The following MYH11 variants were observed in gnomAD, a reference collection of about 807,000 sequenced individuals.
MYH11 encodes the protein myosin heavy chain 11, also known as myosin-11.
MYH11 carries 80 observed loss-of-function variants against 246.6 expected under a neutral mutation model. That is an observed-to-expected ratio of 0.32 (90% CI 0.27 to 0.39). MYH11 has a LOEUF of 0.39. MYH11 is among the 10% of genes least tolerant of loss of function. The pLI is 1.00. For synonymous variants in MYH11, 1,071 were observed against 1,015.5 expected, an observed-to-expected ratio of 1.05 and a Z score of -1.04; for missense variants, 2,158 against 2,546.8, an observed-to-expected ratio of 0.85 and a Z score of 3.29.
chr16:15,767,791 G>A (rs961261777), intron 9 of MYH11, among the ~76,000 whole-genome samples: 3 of 152,126 alleles, frequency 2.0e-5, no homozygotes, highest in African/African-American at 7.2e-5. Flanking sequence ...TGAAGGATGA[G>A]GCAGAGACTG....
chr16:15,753,567 G>T, intron 14 of MYH11, 59 bp from the exon 15 acceptor site: 1 of 1,330,540 alleles, frequency 7.5e-7, no homozygotes, highest in Non-Finnish European at 1.1e-6. Flanking sequence ...AGAAACCAAG[G>T]CCAGGACCCC....
intron 8 of MYH11, among the ~76,000 whole-genome samples, chr16:15,772,299 C>T (rs2042122267): frequency 6.6e-6 from 1 of 151,892 alleles, no homozygotes; most frequent in South Asian, 2.1e-4. Context: ...ACCATGTTGA[C>T]CACACTAGAC....
At chr16:15,789,254 C>T (rs72772067) in intron 4 of MYH11, among the ~76,000 whole-genome samples, 2,356 of 152,240 alleles carry the variant, frequency 0.015, 19 homozygotes, top group Non-Finnish European at 0.026. Context: ...AGGCCCAACC[C>T]TCTAGGGACT....
chr16:15,824,057 C>A (rs574871080), intron 2 of MYH11, among the ~76,000 whole-genome samples: 1 of 152,252 alleles, frequency 6.6e-6, no homozygotes, highest in South Asian at 2.1e-4. Flanking sequence ...ATGTGTTGGG[C>A]ACCGAACTAA....
chr16:15,776,955 C>T (rs530108485), intron 7 of MYH11, among the ~76,000 whole-genome samples: 3 of 152,160 alleles, frequency 2.0e-5, no homozygotes, highest in Admixed American at 6.5e-5. Context: ...CATGATGGTG[C>T]GGGATGATGG....
chr16:15,789,818 C>A (rs576340605), intron 4 of MYH11, among the ~76,000 whole-genome samples: 1 of 152,172 alleles, frequency 6.6e-6, no homozygotes, highest in East Asian at 1.9e-4. Context: ...AAACCACTTG[C>A]GTAGGTGGTC....
At chr16:15,711,722 T>G (rs13339040) in intron 40 of MYH11, among the ~76,000 whole-genome samples, 19,334 of 151,914 alleles carry the variant, frequency 0.13, 1,966 homozygotes, top group African/African-American at 0.28. Flanking sequence ...AGACCGAGTT[T>G]TGGTCTGTCA....
chr16:15,848,613 G>A (rs1295225439), intron 1 of MYH11, among the ~76,000 whole-genome samples: 2 of 152,076 alleles, frequency 1.3e-5, no homozygotes, highest in South Asian at 4.2e-4. Context: ...GGGATGTTCC[G>A]CAGCATCCCT....
chr16:15,788,955 G>C (rs763110419), intron 4 of MYH11, among the ~76,000 whole-genome samples: 3 of 151,930 alleles, frequency 2.0e-5, no homozygotes, highest in Non-Finnish European at 4.4e-5. Context: ...GAGAAGCCTG[G>C]GCAACATAGC....
At chr16:15,766,527 A>T (rs1489299667) in intron 9 of MYH11, among the ~76,000 whole-genome samples, 1 of 152,004 alleles carries the variant, frequency 6.6e-6, no homozygotes, top group East Asian at 1.9e-4. Flanking sequence ...GTGTGCCACC[A>T]CACCCGGCTA....
At position 15,714,982 on chromosome 16, in the gene MYH11, G is replaced by A. The variant is rs749422717; in HGVS notation, c.5713C>T (p.Arg1905Trp). 1.9e-6 allele frequency: 3 copies of A among 1,613,998 alleles called. No individual in the cohort carries two copies. Among genetic ancestry groups the A allele is most frequent in the South Asian group, 1.1e-5 (1 of 91,084 alleles). The stretch of plus-strand genomic sequence containing the variant: ...CTCTCCGTGGCCTCATCCAGCTCCC[G>A]CTGCAGCTTCCTGCGGTTGGCGTTG... ...RINANRRKLQ[R>W]ELDEATESNE... Residue 1905 changes from arginine to tryptophan, a missense_variant, in exon 40 of 41, where the codon CGG becomes TGG. This residue lies in a region of MYH11 where 1,013 missense variants were observed against 993.5 expected (regional missense o/e 1.02). Coordinates refer to ENST00000300036, the MANE Select transcript of MYH11 (RefSeq NM_002474.3).
chr16:15,798,620 A>AG lies in MYH11; in HGVS notation c.530+39_530+40insC, dbSNP rs774166247. The AG allele has an allele frequency of 8.4e-6, 12 of 1,422,318 alleles. No homozygotes were observed. The East Asian group carries it at 2.8e-4, about 33-fold the overall frequency. 88.1% of individuals were successfully genotyped at this position (1,422,318 alleles called of 1,614,324 possible). Reference sequence around the variant, plus strand: ...CTCGACTACAGATTAAAAAAAAAAAAAAACAAAAAAAAAACAGAAGAAAAA... The same window carrying AG: ...CTCGACTACAGATTAAAAAAAAAAAAGAAACAAAAAAAAAACAGAAGAAAAA... On this transcript the variant is annotated intron_variant, in intron 4 of 40. Coordinates refer to ENST00000300036, the MANE Select transcript of MYH11 (RefSeq NM_002474.3).
At chr16:15,826,739 C>T (rs976778310) in intron 2 of MYH11, among the ~76,000 whole-genome samples, 2 of 151,994 alleles carry the variant, frequency 1.3e-5, no homozygotes, top group Non-Finnish European at 2.9e-5. Flanking sequence ...CACCTATGAT[C>T]CCAGTACTTT....
At chr16:15,818,557 C>A (rs191593903) in intron 3 of MYH11, among the ~76,000 whole-genome samples, 8 of 152,122 alleles carry the variant, frequency 5.3e-5, no homozygotes, top group Admixed American at 5.2e-4. Flanking sequence ...CTCAGCACCC[C>A]CTGAGTAGCT....
chr16:15,763,741 T>TGGGGGGCCCCCCCCCCCCCCCC, intron 10 of MYH11, 55 bp downstream of exon 10: 1 of 646,856 alleles, frequency 1.5e-6, no homozygotes, highest in Non-Finnish European at 2.9e-6. Flanking sequence ...AAATGTCACC[T>TGGGGGGCCCCCCCCCCCCCCCC]CCCCCACCCC....
At chr16:15,715,501 T>C (rs1404419578) in intron 38 of MYH11, among the ~76,000 whole-genome samples, 2 of 152,208 alleles carry the variant, frequency 1.3e-5, no homozygotes, top group African/African-American at 2.4e-5. Context: ...AGAAGACACA[T>C]AGCAGACAAC....
chr16:15,764,133 T>C (rs1422399840), intron 9 of MYH11, among the ~76,000 whole-genome samples: 2 of 152,202 alleles, frequency 1.3e-5, no homozygotes, highest in Non-Finnish European at 2.9e-5. Context: ...CTTGCTATTA[T>C]ACATAAAGTT....
chr16:15,705,229 G>T (rs1239480749), intron 40 of MYH11, among the ~76,000 whole-genome samples: 1 of 152,176 alleles, frequency 6.6e-6, no homozygotes, highest in African/African-American at 2.4e-5. Flanking sequence ...CGATCCACCT[G>T]TCTTAGCCTC....
intron 15 of MYH11, among the ~76,000 whole-genome samples, chr16:15,752,114 C>A (rs762310549): frequency 1.3e-5 from 2 of 151,864 alleles, no homozygotes; most frequent in Non-Finnish European, 2.9e-5. Flanking sequence ...CTCTGCTTGT[C>A]TTTGAGAGTC....
Sources: allele counts gnomAD v4.1 joint callset (sites outside exome capture counted in the v4.1 genomes callset), GRCh38; gene constraint gnomAD v4.1.1; regional missense constraint gnomAD v4.1.1; transcripts MANE v1.5; gene names NCBI Gene and HGNC (gene_info 2026-07-23, HGNC 2026-07-21).